CENPM: variants seen among roughly 807,000 people sequenced by gnomAD.
The protein encoded by CENPM is centromere protein M, also known as interphase centromere complex protein 39.
CENPM carries 14 observed loss-of-function variants against 19.6 expected under a neutral mutation model. The ratio of observed to expected loss-of-function variants is 0.71; its 90% CI spans 0.47 to 1.11. The LOEUF is 1.11. Ranked by LOEUF, CENPM falls within the 50% of genes most tolerant of loss-of-function variation. CENPM has a pLI of 0.00. For missense variants in CENPM, 239 were observed against 228.4 expected, an observed-to-expected ratio of 1.05 and a Z score of -0.30; for synonymous variants, 114 against 101.5, an observed-to-expected ratio of 1.12 and a Z score of -0.74.
the CENPM span, among the ~76,000 whole-genome samples, chr22:41,929,939 T>C: frequency 8.9e-6 from 1 of 112,368 alleles, no homozygotes; most frequent in Non-Finnish European, 1.8e-5. Context: ...CCGTGGCTTT[T>C]TTTTTTTTTT....
chr22:41,937,957 C>A (rs913765629), downstream of CENPM, among the ~76,000 whole-genome samples: 3 of 151,808 alleles, frequency 2.0e-5, no homozygotes, highest in African/African-American at 7.3e-5. Context: ...CGGTCTTCTG[C>A]CTCAGCCTCC....
At chr22:41,927,279 G>T in the CENPM span, among the ~76,000 whole-genome samples, 1 of 152,132 alleles carries the variant, frequency 6.6e-6, no homozygotes, top group African/African-American at 2.4e-5. Flanking sequence ...CCGCCTGGGT[G>T]GGCCCTCTGC....
chr22:41,947,104 T>G lies in CENPM; in HGVS notation c.-28A>C. 1 of 1,610,744 alleles carries G rather than the reference T, an allele frequency of 6.2e-7. No homozygotes were observed. The highest frequency in any genetic ancestry group is 1.1e-5 in the South Asian group (1 of 90,960). On this transcript the variant is annotated 5_prime_UTR_variant, in exon 1 of 6. Coordinates refer to ENST00000215980, the MANE Select transcript of CENPM (RefSeq NM_024053.5). ...CAGCCGCAGGACCAACCGTTGCTCC[T>G]GCGGTGCGCGCCGATCTTTCAAACC...
chr22:41,939,896 A>AAG (rs2077722881), intron 5 of CENPM, among the ~76,000 whole-genome samples: 3 of 113,918 alleles, frequency 2.6e-5, no homozygotes, highest in African/African-American at 6.2e-5. Flanking sequence ...GAAAGAAAGA[A>AAG]AGAAAGAAAG....
Position 41,946,983 on chromosome 22 carries a change from A to C in CENPM, c.57+37T>G, listed in dbSNP as rs751374983. ...AGTGGCTGAAGCACCGCCCAGGAGG[A>C]AAAACCGGCGGGGGAAGCAGGGCCG... On this transcript the variant is annotated intron_variant, in intron 1 of 5. Coordinates refer to ENST00000215980, the MANE Select transcript of CENPM (RefSeq NM_024053.5). The C allele has an allele frequency of 2.0e-4, 322 of 1,608,840 alleles. 1 individual carries two copies. The highest frequency in any genetic ancestry group is 2.7e-4 in the Non-Finnish European group (313 of 1,176,632).
At chr22:41,939,888 A>AAGAGAAAGAAAGAAAGAAAGAAAGAAAG (rs371722909) in intron 5 of CENPM, among the ~76,000 whole-genome samples, 7 of 54,328 alleles carry the variant, frequency 1.3e-4, no homozygotes, top group Non-Finnish European at 1.9e-4. Flanking sequence ...AAAAGAAAGA[A>AAGAGAAAGAAAGAAAGAAAGAAAGAAAG]AGAAAGAAAG....
chr22:41,928,947 AAAGAACCCCAGTCAGCC>A, the CENPM span, among the ~76,000 whole-genome samples: 1 of 152,042 alleles, frequency 6.6e-6, no homozygotes, highest in Non-Finnish European at 1.5e-5. The surrounding 1 kb of genome is among the most constrained non-coding windows in gnomAD (Gnocchi z 4.0). Flanking sequence ...GAAGGTTCAC[AAAGAACCCCAGTCAGCC>A]AGCCCTGACT....
Position 41,939,051 on chromosome 22 carries a change from C to T in CENPM, c.*5G>A. 6.2e-7 allele frequency: 1 copy of T among 1,612,602 alleles called. No homozygotes were observed. Among genetic ancestry groups the T allele is most frequent in the Admixed American group, 1.7e-5 (1 of 59,980 alleles). ...GAGAAGGGGCAGCCCAGGGGCCAGC[C>T]ACCCTCACAGGTCCTCCAGGGAGGG... On this transcript the variant is annotated 3_prime_UTR_variant, in exon 6 of 6. Coordinates refer to ENST00000215980, the MANE Select transcript of CENPM (RefSeq NM_024053.5).
At chr22:41,931,820 C>T in the CENPM span, among the ~76,000 whole-genome samples, 9 of 152,348 alleles carry the variant, frequency 5.9e-5, no homozygotes, top group African/African-American at 1.7e-4. Flanking sequence ...TCCTTGGGGA[C>T]AGAGAGGCCC....
chr22:41,930,569 G>GAAAAGCA, the CENPM span, among the ~76,000 whole-genome samples: 1 of 151,440 alleles, frequency 6.6e-6, no homozygotes, highest in Non-Finnish European at 1.5e-5. Flanking sequence ...ACAGCAGTGC[G>GAAAAGCA]ATAAGCAACA....
At chr22:41,940,695 G>C (rs1331518651) in intron 5 of CENPM, among the ~76,000 whole-genome samples, 1 of 152,168 alleles carries the variant, frequency 6.6e-6, no homozygotes, top group Non-Finnish European at 1.5e-5. Context: ...TGGGGTTTTT[G>C]ACTCTTTTGT....
At chr22:41,946,528 C>G in intron 1 of CENPM, 32 bp from the exon 2 acceptor site, 2 of 1,595,072 alleles carry the variant, frequency 1.3e-6, no homozygotes, top group Non-Finnish European at 1.7e-6. Context: ...ACAGTCGAGC[C>G]CTAGGCACAG....
chr22:41,929,889 T>C, the CENPM span, among the ~76,000 whole-genome samples: 1 of 148,772 alleles, frequency 6.7e-6, no homozygotes, highest in Non-Finnish European at 1.5e-5. Context: ...CAGACCAATG[T>C]GGGGAATGTT....
chr22:41,946,657 G>T, intron 1 of CENPM, 161 bp from the exon 2 acceptor site: 1 of 644,490 alleles, frequency 1.6e-6, no homozygotes. Flanking sequence ...ACGGGCTGGG[G>T]GCCTGAGGTT....
chr22:41,945,447 ATTT>A (rs377012454), intron 3 of CENPM, 143 bp from the exon 4 acceptor site: 6,727 of 1,087,582 alleles, frequency 6.2e-3, no homozygotes, highest in East Asian at 9.8e-3. Flanking sequence ...TTGTCCTTTA[ATTT>A]TTTTTTTTTT....
chr22:41,944,145 G>C, intron 4 of CENPM: 1 of 985,330 alleles, frequency 1.0e-6, no homozygotes, highest in Non-Finnish European at 1.2e-6. Context: ...GAAGCCTAGA[G>C]TAAACAAAAA....
chr22:41,938,473 C>T (rs2077694929), downstream of CENPM, among the ~76,000 whole-genome samples: 1 of 145,656 alleles, frequency 6.9e-6, no homozygotes, highest in Non-Finnish European at 1.5e-5. Flanking sequence ...TCAAGTGATT[C>T]TCCTGCCTCA....
the CENPM span, among the ~76,000 whole-genome samples, chr22:41,932,624 C>T: frequency 1.4e-4 from 22 of 152,328 alleles, no homozygotes; most frequent in African/African-American, 1.7e-4. The surrounding 1 kb of genome is among the most constrained non-coding windows in gnomAD (Gnocchi z 4.3). Flanking sequence ...AGCATGGCCC[C>T]GGGATAGAGG....
downstream of CENPM, among the ~76,000 whole-genome samples, chr22:41,934,187 C>T (rs2077674778): frequency 6.6e-6 from 1 of 152,184 alleles, no homozygotes; most frequent in Admixed American, 6.5e-5. Context: ...GCCCAGGCTG[C>T]AGAGCCCCTC....
Sources: allele counts gnomAD v4.1 joint callset (sites outside exome capture counted in the v4.1 genomes callset), GRCh38; gene constraint gnomAD v4.1.1; non-coding constraint Gnocchi (gnomAD v3.1); transcripts MANE v1.5; gene names NCBI Gene and HGNC (gene_info 2026-07-23, HGNC 2026-07-21).